Variants in SLC66A2 observed in about 807,000 individuals in gnomAD.
The protein encoded by SLC66A2 is solute carrier family 66 member 2.
In SLC66A2, 23 loss-of-function variants were observed where a neutral mutation model predicts 25.5. That is an observed-to-expected ratio of 0.90 (90% CI 0.65 to 1.28). SLC66A2 has a LOEUF of 1.28. Ranked by LOEUF, SLC66A2 falls within the 50% of genes most tolerant of loss-of-function variation. The probability of loss-of-function intolerance (pLI) is 0.00; values close to 1 mark genes in which losing one functional copy is unlikely to be tolerated. For synonymous variants in SLC66A2, 193 were observed against 166.5 expected (o/e 1.16, Z -1.23); for missense variants, 396 against 373.1 (o/e 1.06, Z -0.51).
At chr18:79,912,611 CAGCGGGGGTGAGGA>C in intron 5 of SLC66A2, among the ~76,000 whole-genome samples, 1 of 152,184 alleles carries the variant, frequency 6.6e-6, no homozygotes, top group East Asian at 1.9e-4. Context: ...GGAGGAGTGG[CAGCGGGGGTGAGGA>C]GGCTGGGGCG....
At chr18:79,950,598 G>C in intron 2 of SLC66A2, 126 bp downstream of exon 2, 3 of 855,206 alleles carry the variant, frequency 3.5e-6, no homozygotes, top group Non-Finnish European at 5.7e-6. Context: ...CCCCATCCAC[G>C]GCAGAGTGGG....
intron 5 of SLC66A2, among the ~76,000 whole-genome samples, chr18:79,906,843 G>GTTCC (rs1020983106): frequency 1.3e-5 from 2 of 152,284 alleles, no homozygotes; most frequent in Admixed American, 6.5e-5. Context: ...AGGCTCTGGG[G>GTTCC]TTCCATGCAT....
At chr18:79,915,982 T>TCCCG (rs1244328877) in intron 5 of SLC66A2, 21 of 170,808 alleles carry the variant, frequency 1.2e-4, no homozygotes, top group Middle Eastern at 2.7e-3. Context: ...CCCACAGTGC[T>TCCCG]TCTGTACCCG....
At chr18:79,925,508 G>A (rs916457110) in intron 4 of SLC66A2, among the ~76,000 whole-genome samples, 5 of 152,168 alleles carry the variant, frequency 3.3e-5, no homozygotes, top group Non-Finnish European at 7.3e-5. Context: ...CTCACCAGAG[G>A]CCCACCCTGG....
At chr18:79,909,701 C>A (rs1210366745) in intron 5 of SLC66A2, among the ~76,000 whole-genome samples, 16 of 143,608 alleles carry the variant, frequency 1.1e-4, no homozygotes, top group Non-Finnish European at 3.0e-5. Context: ...CCCAACCTTC[C>A]CCACCATCTC....
chr18:79,932,127 G>C (rs889902134), intron 4 of SLC66A2, among the ~76,000 whole-genome samples: 1 of 152,192 alleles, frequency 6.6e-6, no homozygotes. Flanking sequence ...ATATGTGGAA[G>C]TTAACACATT....
At chr18:79,909,107 C>T (rs1486996992) in intron 5 of SLC66A2, among the ~76,000 whole-genome samples, 3 of 152,240 alleles carry the variant, frequency 2.0e-5, no homozygotes. Context: ...GTCCTATCAA[C>T]AGTGTTGCTT....
intron 5 of SLC66A2, among the ~76,000 whole-genome samples, chr18:79,914,846 G>A (rs1446775222): frequency 2.6e-5 from 4 of 152,222 alleles, no homozygotes; most frequent in Non-Finnish European, 4.4e-5. Context: ...CCCCCAGGTC[G>A]CCGGCCCTAG....
Position 79,941,526 on chromosome 18 carries a change from T to G in SLC66A2, c.337+1803A>C, listed in dbSNP as rs1294225143. 6.6e-6 allele frequency: 1 copy of G among 152,126 alleles called. No homozygotes were observed. Among genetic ancestry groups the G allele is most frequent in the Admixed American group, 6.5e-5 (1 of 15,270 alleles). 9.4% of individuals were successfully genotyped at this position (152,126 alleles called of 1,614,324 possible). ...ACTCACATTTTTAACTCATCCTGGG[T>G]AACCAGAAGAGAAGTACTCCTTTGG... On this transcript the variant is annotated intron_variant, in intron 3 of 5. Coordinates refer to ENST00000397778, the MANE Select transcript of SLC66A2 (RefSeq NM_025078.5). The surrounding 1 kb of genome is among the most constrained non-coding windows in gnomAD (Gnocchi z 4.1).
intron 3 of SLC66A2, among the ~76,000 whole-genome samples, chr18:79,936,420 G>A (rs967434592): frequency 6.6e-6 from 1 of 152,214 alleles, no homozygotes; most frequent in African/African-American, 2.4e-5. Context: ...TGTTTAAAGT[G>A]TACAATTCAA....
At chr18:79,938,538 A>T (rs1195733198) in intron 3 of SLC66A2, among the ~76,000 whole-genome samples, 4 of 152,234 alleles carry the variant, frequency 2.6e-5, no homozygotes, top group Non-Finnish European at 5.9e-5. Flanking sequence ...TTCTTTTTAA[A>T]GTCTGATCAT....
At chr18:79,946,399 A>G (rs572014727) in intron 2 of SLC66A2, among the ~76,000 whole-genome samples, 41 of 152,364 alleles carry the variant, frequency 2.7e-4, no homozygotes, top group Non-Finnish European at 3.7e-4. Flanking sequence ...TCCTTTAGTG[A>G]TAACAGTCTG....
At position 79,919,219 on chromosome 18, in the gene SLC66A2, G is replaced by A; in HGVS notation, c.573C>T (p.Tyr191=). The A allele has an allele frequency of 1.2e-6, 2 of 1,613,164 alleles. No individual in the cohort carries two copies. The highest frequency in any genetic ancestry group is 1.7e-6 in the Non-Finnish European group (2 of 1,180,018). Residue 191 remains tyrosine (Y), a synonymous_variant, in exon 5 of 6, where the codon TAC becomes TAT. Coordinates refer to ENST00000397778, the MANE Select transcript of SLC66A2 (RefSeq NM_025078.5). ...TEAMLGVPQL[Y]RNHRHQSTEG... is the part of the protein sequence containing the mutation. ...CCGTGGACTGGTGGCGGTGGTTGCG[G>A]TAAAGCTGGGGCACACCCAGCATGG...
At chr18:79,933,947 A>T in intron 4 of SLC66A2, 22 bp downstream of exon 4, 3 of 1,605,230 alleles carry the variant, frequency 1.9e-6, no homozygotes, top group Non-Finnish European at 2.6e-6. Flanking sequence ...TGCTGCGGAC[A>T]GTGCACGCGC....
chr18:79,942,485 G>C (rs1049584666), intron 3 of SLC66A2, among the ~76,000 whole-genome samples: 4 of 152,182 alleles, frequency 2.6e-5, no homozygotes, highest in African/African-American at 9.7e-5. Context: ...TAGAAACACA[G>C]GGACACAGCT....
chr18:79,924,468 T>C (rs996880614), intron 4 of SLC66A2, among the ~76,000 whole-genome samples: 1 of 152,204 alleles, frequency 6.6e-6, no homozygotes, highest in Admixed American at 6.5e-5. Flanking sequence ...AAGGGGTTTC[T>C]TTGGGGGTGA....
At chr18:79,935,098 C>A (rs1364272895) in intron 3 of SLC66A2, among the ~76,000 whole-genome samples, 3 of 140,414 alleles carry the variant, frequency 2.1e-5, no homozygotes, top group Non-Finnish European at 4.7e-5. Flanking sequence ...TCCCTCTCCA[C>A]GGGCGCCTCT....
At chr18:79,913,921 T>G (rs1252504155) in intron 5 of SLC66A2, among the ~76,000 whole-genome samples, 1 of 152,152 alleles carries the variant, frequency 6.6e-6, no homozygotes, top group Non-Finnish European at 1.5e-5. Flanking sequence ...GTCTTGTTTG[T>G]TTTTTTACAT....
At chr18:79,914,581 A>G (rs893089151) in intron 5 of SLC66A2, among the ~76,000 whole-genome samples, 7 of 152,144 alleles carry the variant, frequency 4.6e-5, no homozygotes, top group African/African-American at 1.7e-4. Context: ...CCCCTTGCCC[A>G]AGCTGCGTCT....
Sources: allele counts gnomAD v4.1 joint callset (sites outside exome capture counted in the v4.1 genomes callset), GRCh38; gene constraint gnomAD v4.1.1; non-coding constraint Gnocchi (gnomAD v3.1); transcripts MANE v1.5; gene names NCBI Gene and HGNC (gene_info 2026-07-23, HGNC 2026-07-21).